The following PRKAG1 variants were observed in gnomAD, a reference collection of about 807,000 sequenced individuals.
The protein encoded by PRKAG1 is 5'-AMP-activated protein kinase subunit gamma-1.
Under a neutral mutation model 48.2 loss-of-function variants are expected in PRKAG1, and 27 were observed. The observed-to-expected ratio is 0.56, with a 90% confidence interval of 0.41 to 0.77. PRKAG1 has a LOEUF of 0.77. Among genes scored for constraint, PRKAG1 ranks in the 30% least tolerant of loss-of-function variants. The probability of loss-of-function intolerance (pLI) is 0.00; values close to 1 mark genes in which losing one functional copy is unlikely to be tolerated. For missense variants in PRKAG1, 287 were observed against 398.3 expected (o/e 0.72, Z 2.38); for synonymous variants, 130 against 147.7 (o/e 0.88, Z 0.87).
intron 2 of PRKAG1, among the ~76,000 whole-genome samples, chr12:49,012,213 AT>A (rs1056371216): frequency 8.5e-5 from 13 of 152,100 alleles, no homozygotes; most frequent in African/African-American, 3.1e-4. Flanking sequence ...CATGTAGGCA[AT>A]TTGAGTTTCT....
At chr12:49,015,444 C>A in intron 1 of PRKAG1, among the ~76,000 whole-genome samples, 1 of 152,082 alleles carries the variant, frequency 6.6e-6, no homozygotes, top group East Asian at 1.9e-4. Flanking sequence ...TTTTTTAATT[C>A]TCAAAGAATG....
At chr12:49,003,390 G>T in intron 10 of PRKAG1, 100 bp from the exon 11 acceptor site, 2 of 1,545,766 alleles carry the variant, frequency 1.3e-6, no homozygotes, top group Non-Finnish European at 1.8e-6. Flanking sequence ...GCAATTGTCA[G>T]CCACAAGCCA....
rs779495352 is a variant in PRKAG1 at position 49,005,818 on chromosome 12, G to A, written c.93C>T (p.Ser31=). The change falls in exon 3 of 12, where the codon TCC becomes TCT. Residue 31 remains serine, a synonymous_variant. Transcript: ENST00000548065. The surrounding 1 kb of genome is among the most constrained non-coding windows in gnomAD (Gnocchi z 4.1). ...TPESNNSVYT[S]FMKSHRCYDL... Reference sequence around the variant, plus strand: ...CATAGCAGCGATGAGACTTCATGAAGGAAGTATACACGCTATTGTTGGATT... The same window carrying A: ...CATAGCAGCGATGAGACTTCATGAAAGAAGTATACACGCTATTGTTGGATT... 8.1e-6 allele frequency: 13 copies of A among 1,613,244 alleles called. No individual in the cohort carries two copies. The highest frequency in any genetic ancestry group is 1.0e-5 in the Non-Finnish European group (12 of 1,179,622).
Position 49,007,859 on chromosome 12 carries a change from CT to C in PRKAG1, c.59-2008del, listed in dbSNP as rs766217437. 5.1e-3 allele frequency among the ~76,000 whole-genome samples: 691 copies of C among 136,450 alleles called. 2 individuals carry two copies. The highest frequency in any genetic ancestry group is 7.5e-3 in the Middle Eastern group (2 of 266). The allele number at this position is 136,450 out of a possible 152,430, so 89.5% of individuals were successfully genotyped here. On this transcript the variant is annotated intron_variant, in intron 2 of 11. Transcript: ENST00000548065. ...ATGTTGGTTATATCCGTATTTCAAT[CT>C]TTTTTTTTTTTTTTTTTGAGAGGGA...
In PRKAG1 at chr12:49,003,810, A is replaced by G; in HGVS notation, c.650T>C (p.Leu217Pro). The change falls in exon 9 of 12, where the codon CTG (leucine) becomes CCG (proline). Residue 217 changes from leucine (L) to proline (P), a missense_variant. Around this residue, in one of 2 missense-constraint regions of PRKAG1, gnomAD observed 224 missense variants for 344.3 expected, o/e 0.65. Coordinates refer to ENST00000548065, the MANE Select transcript of PRKAG1 (RefSeq NM_002733.5). ...VRTTTPVYVA[L>P]GIFVQHRVSA... ...GACTCGATGCTGTACAAAAATCCCC[A>G]GAGCCACATAGACGGGGGTGGTAGT... 6.2e-7 allele frequency: 1 copy of G among 1,614,142 alleles called. No individual in the cohort carries two copies. The highest frequency in any genetic ancestry group is 8.5e-7 in the Non-Finnish European group (1 of 1,180,000).
Position 49,005,752 on chromosome 12 carries a change from C to G in PRKAG1, c.159G>C (p.Thr53=). 1.2e-6 allele frequency: 2 copies of G among 1,613,414 alleles called. No individual in the cohort carries two copies. The highest frequency in any genetic ancestry group is 1.7e-6 in the Non-Finnish European group (2 of 1,179,400). The change falls in exon 3 of 12, where the codon ACG becomes ACC. Residue 53 remains threonine (T), a synonymous_variant. Coordinates refer to ENST00000548065, the MANE Select transcript of PRKAG1 (RefSeq NM_002733.5). The surrounding 1 kb of genome is among the most constrained non-coding windows in gnomAD (Gnocchi z 4.1). ...AGAGGATTTCACCCACCTGCAGGGA[C>G]GTATCAAATACAACCAATTTGGAGC... ...PTSSKLVVFD[T]SLQVKKAFFA... is the part of the protein sequence containing the mutation.
In PRKAG1 at chr12:49,005,311, C is replaced by G; in HGVS notation, c.304G>C (p.Ala102Pro). ...ATTGGGTTAAGGTTCCTTACCAAGG[C>G]TGATTTATAGTAGCGGTGCAGGATA... ...INILHRYYKSALVQIYELEEH... is the reference protein window; with the variant it reads ...INILHRYYKSPLVQIYELEEH... The change falls in exon 5 of 12, where the codon GCC becomes CCC. Residue 102 changes from alanine to proline, a missense_variant. This residue lies in a region of PRKAG1 where 224 missense variants were observed against 344.3 expected (regional missense o/e 0.65). Coordinates refer to ENST00000548065, the MANE Select transcript of PRKAG1 (RefSeq NM_002733.5). The surrounding 1 kb of genome is among the most constrained non-coding windows in gnomAD (Gnocchi z 4.1). 1 of 1,614,156 alleles carries G rather than the reference C, an allele frequency of 6.2e-7. No homozygotes were observed. The highest frequency in any genetic ancestry group is 1.1e-5 in the South Asian group (1 of 91,084).
chr12:49,002,821 T>A lies in PRKAG1; in HGVS notation c.*78A>T. 5.9e-6 allele frequency: 8 copies of A among 1,355,434 alleles called. No individual in the cohort carries two copies. Among genetic ancestry groups the A allele is most frequent in the Non-Finnish European group, 8.3e-6 (8 of 962,806 alleles). The allele number at this position is 1,355,434 out of a possible 1,614,324, so 84.0% of individuals were successfully genotyped here. ...AACAGAGTCACAATTCCCTCAAGTT[T>A]CATCTGATTCCCACAGAGCTTCCAG... On this transcript the variant is annotated 3_prime_UTR_variant, in exon 12 of 12. Transcript: ENST00000548065.
intron 8 of PRKAG1, 34 bp from the exon 9 acceptor site, chr12:49,003,956 C>T: frequency 3.2e-6 from 5 of 1,555,940 alleles, no homozygotes; most frequent in Non-Finnish European, 4.3e-6. Context: ...ACTTTCAAGG[C>T]ACCCAAAGCC....
intron 1 of PRKAG1, 124 bp from the exon 2 acceptor site, chr12:49,013,234 C>T (rs1418795640): frequency 4.1e-5 from 33 of 812,946 alleles, no homozygotes; most frequent in South Asian, 6.4e-5. Context: ...CCACTGCCCC[C>T]GCCAAACCCT....
In PRKAG1 at chr12:49,005,266, C is replaced by A. The variant is rs1941489947; in HGVS notation, c.309+40G>T. 6.2e-7 allele frequency: 1 copy of A among 1,612,952 alleles called. No homozygotes were observed. The highest frequency in any genetic ancestry group is 1.1e-5 in the South Asian group (1 of 90,980). On this transcript the variant is annotated intron_variant, in intron 5 of 11. Coordinates refer to ENST00000548065, the MANE Select transcript of PRKAG1 (RefSeq NM_002733.5). This position sits in a 1 kb window ranked among gnomAD's most constrained non-coding sequence, Gnocchi z 4.1. ...AGAAATGAGAATGAGGGATTTAGGG[C>A]AGGGAAAGTGATTTTGGTCATTGGG...
Position 49,003,329 on chromosome 12 carries a change from G to C in PRKAG1, c.742-39C>G, listed in dbSNP as rs1373930936. ...GGAAGGAGCTTGCAGGGAAGCAAGA[G>C]AGCCAGCCTCCAAACCCTGAACCCA... On this transcript the variant is annotated intron_variant, in intron 10 of 11. Coordinates refer to ENST00000548065, the MANE Select transcript of PRKAG1 (RefSeq NM_002733.5). 6 of 1,612,750 alleles carry C rather than the reference G, an allele frequency of 3.7e-6. No homozygotes were observed. In the East Asian group the frequency reaches 1.3e-4, roughly 36 times the overall value.
At chr12:49,009,116 TCTC>T (rs748322808) in intron 2 of PRKAG1, among the ~76,000 whole-genome samples, 70 of 150,252 alleles carry the variant, frequency 4.7e-4, no homozygotes, top group Middle Eastern at 3.4e-3. Context: ...GAATCTTTCC[TCTC>T]CTTTTTTTTT....
At chr12:49,003,990 C>G (rs1350793425) in intron 8 of PRKAG1, 68 bp from the exon 9 acceptor site, 1 of 1,524,316 alleles carries the variant, frequency 6.6e-7, no homozygotes, top group Non-Finnish European at 8.8e-7. Flanking sequence ...CCCTCCAACC[C>G]AGTATATTAG....
intron 8 of PRKAG1, 155 bp downstream of exon 8, chr12:49,004,352 C>A: frequency 1.1e-6 from 1 of 934,652 alleles, no homozygotes; most frequent in Admixed American, 2.3e-5. Context: ...ACCTGTAATC[C>A]TAGCACTTTG....
rs768031321 is a variant in PRKAG1, at chr12:49,018,754, C to G, written c.-14G>C. ...CACCGTCTCCATTGCAAGAGGCGCC[C>G]GGCTTGGTTTCCTCGCTTTAGGAAA... On this transcript the variant is annotated 5_prime_UTR_variant, in exon 1 of 12. Transcript: ENST00000548065. 2.5e-6 allele frequency: 4 copies of G among 1,612,710 alleles called. No homozygotes were observed. The highest frequency in any genetic ancestry group is 2.2e-5 in the East Asian group (1 of 44,876).
intron 1 of PRKAG1, among the ~76,000 whole-genome samples, chr12:49,013,917 C>T (rs1941861234): frequency 6.6e-6 from 1 of 152,076 alleles, no homozygotes; most frequent in African/African-American, 2.4e-5. Context: ...CAGAGTCTTG[C>T]TCTGTTGCCC....
chr12:49,012,320 G>A (rs1941791804), intron 2 of PRKAG1, among the ~76,000 whole-genome samples: 1 of 151,964 alleles, frequency 6.6e-6, no homozygotes, highest in South Asian at 2.1e-4. Flanking sequence ...GGATTTTAGA[G>A]GTTTAGTGCT....
intron 10 of PRKAG1, 106 bp downstream of exon 10, chr12:49,003,452 T>C (rs1592269635): frequency 1.3e-6 from 2 of 1,551,698 alleles, no homozygotes; most frequent in South Asian, 2.3e-5. Flanking sequence ...CCTGGAAGCT[T>C]CTAAGACCCT....
Sources: allele counts gnomAD v4.1 joint callset (sites outside exome capture counted in the v4.1 genomes callset), GRCh38; gene constraint gnomAD v4.1.1; regional missense constraint gnomAD v4.1.1; non-coding constraint Gnocchi (gnomAD v3.1); transcripts MANE v1.5; gene names NCBI Gene and HGNC (gene_info 2026-07-23, HGNC 2026-07-21).